RHOBTB1: variants seen among roughly 807,000 people sequenced by gnomAD.
RHOBTB1 encodes the protein rho-related BTB domain-containing protein 1.
A neutral mutation model predicts 71.6 loss-of-function variants in RHOBTB1; 40 were observed. The ratio of observed to expected loss-of-function variants is 0.56; its 90% CI spans 0.43 to 0.73. The LOEUF (loss-of-function observed/expected upper bound fraction) is 0.73. Ranked by LOEUF, RHOBTB1 falls within the 30% of genes least tolerant of loss-of-function variation. The pLI, the probability that RHOBTB1 is intolerant of heterozygous loss-of-function variation, is 0.00. For missense variants in RHOBTB1, 797 were observed against 894.0 expected (o/e 0.89, Z 1.38); for synonymous variants, 319 against 334.9 (o/e 0.95, Z 0.52).
intron 8 of RHOBTB1, among the ~76,000 whole-genome samples, chr10:60,876,617 GA>G (rs1333158577): frequency 3.3e-5 from 5 of 152,290 alleles, no homozygotes; most frequent in African/African-American, 1.2e-4. Flanking sequence ...TCATGTTTCT[GA>G]AAAAAGTAAT....
intron 2 of RHOBTB1, among the ~76,000 whole-genome samples, chr10:60,974,142 T>C (rs1481787837): frequency 2.0e-5 from 3 of 152,094 alleles, no homozygotes; most frequent in African/African-American, 2.4e-5. Context: ...ACTAAGTCTA[T>C]AATCAGTTAA....
chr10:60,939,565 T>C (rs1006298115), intron 2 of RHOBTB1, among the ~76,000 whole-genome samples: 1 of 152,054 alleles, frequency 6.6e-6, no homozygotes, highest in Non-Finnish European at 1.5e-5. Flanking sequence ...AACTCATTTT[T>C]CCCTCCCTCT....
At chr10:60,922,080 A>C (rs2083597163) in intron 2 of RHOBTB1, among the ~76,000 whole-genome samples, 1 of 152,184 alleles carries the variant, frequency 6.6e-6, no homozygotes, top group African/African-American at 2.4e-5. Context: ...CCGATTTATA[A>C]ATGTTAATAA....
upstream of RHOBTB1, among the ~76,000 whole-genome samples, chr10:60,944,550 C>T (rs759549632): frequency 5.3e-5 from 8 of 152,222 alleles, no homozygotes; most frequent in South Asian, 4.1e-4. Flanking sequence ...AGAGTCTGGG[C>T]CATCTGTGTC....
At chr10:60,948,086 T>G (rs79574119), upstream of RHOBTB1, among the ~76,000 whole-genome samples, 1 of 152,330 alleles carries the variant, frequency 6.6e-6, no homozygotes, top group Non-Finnish European at 1.5e-5. Context: ...TATATTTTCA[T>G]TGGCTTTTTT....
chr10:60,924,979 G>A (rs528176576), intron 2 of RHOBTB1, among the ~76,000 whole-genome samples: 82 of 152,288 alleles, frequency 5.4e-4, no homozygotes, highest in African/African-American at 1.5e-3. Flanking sequence ...TTTAGATGAC[G>A]GGGATAGATC....
chr10:60,934,915 C>T (rs1382696639), intron 2 of RHOBTB1, among the ~76,000 whole-genome samples: 1 of 152,160 alleles, frequency 6.6e-6, no homozygotes, highest in Non-Finnish European at 1.5e-5. Context: ...AAAGGATCAA[C>T]AGCCGTGGGC....
At chr10:60,889,262 C>T (rs751718939) in intron 5 of RHOBTB1, 77 bp from the exon 6 acceptor site, 2 of 1,405,472 alleles carry the variant, frequency 1.4e-6, no homozygotes, top group Non-Finnish European at 1.9e-6. Flanking sequence ...ATCTAAGCAC[C>T]TAATGGAACT....
At chr10:60,887,966 C>T (rs2081671493) in intron 6 of RHOBTB1, among the ~76,000 whole-genome samples, 1 of 152,102 alleles carries the variant, frequency 6.6e-6, no homozygotes, top group African/African-American at 2.4e-5. Context: ...CTGGTGTGAC[C>T]ATGGGCAGAT....
intron 2 of RHOBTB1, among the ~76,000 whole-genome samples, chr10:60,954,143 C>A (rs1192482748): frequency 6.6e-6 from 1 of 152,044 alleles, no homozygotes; most frequent in African/African-American, 2.4e-5. Flanking sequence ...AGAATATAGA[C>A]CATTGGCTTG....
intron 4 of RHOBTB1, among the ~76,000 whole-genome samples, chr10:60,899,066 T>C (rs2082287644): frequency 6.6e-6 from 1 of 152,226 alleles, no homozygotes; most frequent in South Asian, 2.1e-4. Context: ...TTGTGGGTTA[T>C]CATCCAATGA....
chr10:60,991,551 C>T (rs2086869022), intron 1 of RHOBTB1, among the ~76,000 whole-genome samples: 2 of 151,994 alleles, frequency 1.3e-5, no homozygotes, highest in African/African-American at 4.8e-5. Flanking sequence ...CTGCCTCAGC[C>T]TCCTGAGCAG....
intron 1 of RHOBTB1, among the ~76,000 whole-genome samples, chr10:60,988,550 T>C (rs954380381): frequency 1.3e-5 from 2 of 152,112 alleles, no homozygotes; most frequent in African/African-American, 4.8e-5. Flanking sequence ...AGTGAGAATA[T>C]ACAGTATTTG....
intron 2 of RHOBTB1, among the ~76,000 whole-genome samples, chr10:60,976,858 G>A (rs1035235801): frequency 6.6e-6 from 1 of 152,006 alleles, no homozygotes; most frequent in African/African-American, 2.4e-5. Flanking sequence ...TTCAGAAAGA[G>A]TTTAATATTT....
intron 5 of RHOBTB1, among the ~76,000 whole-genome samples, chr10:60,891,539 G>T (rs573520748): frequency 6.6e-6 from 1 of 151,266 alleles, no homozygotes; most frequent in East Asian, 2.0e-4. Flanking sequence ...CTAGAGACGT[G>T]GTCTCACTAT....
intron 6 of RHOBTB1, among the ~76,000 whole-genome samples, chr10:60,887,267 A>G (rs960658887): frequency 6.6e-6 from 1 of 152,356 alleles, no homozygotes; most frequent in South Asian, 2.1e-4. Context: ...TTTGAAGTAA[A>G]TACTACTCAT....
At chr10:60,894,846 G>A (rs901499343) in intron 4 of RHOBTB1, among the ~76,000 whole-genome samples, 1 of 152,170 alleles carries the variant, frequency 6.6e-6, no homozygotes, top group African/African-American at 2.4e-5. Flanking sequence ...TGGCTCTAAG[G>A]GGAATCATTC....
chr10:60,949,423 G>A (rs2085339188), intron 2 of RHOBTB1, among the ~76,000 whole-genome samples: 1 of 152,214 alleles, frequency 6.6e-6, no homozygotes, highest in Non-Finnish European at 1.5e-5. Context: ...TTCAGCGTGA[G>A]TAGCCCAGCT....
chr10:60,862,211 T>C, the RHOBTB1 span, among the ~76,000 whole-genome samples: 1 of 148,262 alleles, frequency 6.7e-6, no homozygotes, highest in African/African-American at 2.6e-5. Flanking sequence ...TTCTTTCTTT[T>C]TATTGAGATG....
Sources: gnomAD v4.1 joint callset for allele counts (sites outside exome capture counted in the v4.1 genomes callset) on GRCh38, gnomAD v4.1.1 for gene constraint, MANE v1.5 for transcripts, NCBI Gene and HGNC (gene_info 2026-07-23, HGNC 2026-07-21) for gene names.